GRIP1: variants seen among roughly 807,000 people sequenced by gnomAD.
GRIP1 encodes glutamate receptor-interacting protein 1.
A neutral mutation model predicts 129.9 loss-of-function variants in GRIP1; 45 were observed. That is an observed-to-expected ratio of 0.35 (90% CI 0.27 to 0.44). The LOEUF (loss-of-function observed/expected upper bound fraction) is 0.44. Among genes scored for constraint, GRIP1 ranks in the 20% least tolerant of loss-of-function variants. GRIP1 has a pLI of 1.00. For synonymous variants in GRIP1, 530 were observed against 520.8 expected, an observed-to-expected ratio of 1.02 and a Z score of -0.24; for missense variants, 1,196 against 1,396.8, an observed-to-expected ratio of 0.86 and a Z score of 2.29.
intron 23 of GRIP1, among the ~76,000 whole-genome samples, chr12:66,364,135 A>G (rs1167607411): frequency 6.6e-6 from 1 of 151,748 alleles, no homozygotes; most frequent in East Asian, 1.9e-4. Context: ...GCATGGTGGC[A>G]TGCATCTGTA....
At chr12:67,066,322 G>T (rs1051116277) in intron 1 of GRIP1, among the ~76,000 whole-genome samples, 1 of 152,010 alleles carries the variant, frequency 6.6e-6, no homozygotes, top group Non-Finnish European at 1.5e-5. Flanking sequence ...TTCTTTTTTA[G>T]GAATAAGGCT....
intron 2 of GRIP1, among the ~76,000 whole-genome samples, chr12:66,586,425 C>A (rs2063638814): frequency 6.6e-6 from 1 of 152,148 alleles, no homozygotes; most frequent in Non-Finnish European, 1.5e-5. Flanking sequence ...TCACTGCCAA[C>A]CTCTGAGGCT....
chr12:66,781,688 C>A (rs925429494), intron 1 of GRIP1, among the ~76,000 whole-genome samples: 1 of 152,070 alleles, frequency 6.6e-6, no homozygotes, highest in Non-Finnish European at 1.5e-5. Context: ...CAGAGTCTGT[C>A]CAAGGCAAAC....
At chr12:66,599,620 G>A (rs890100282) in intron 1 of GRIP1, among the ~76,000 whole-genome samples, 3 of 152,170 alleles carry the variant, frequency 2.0e-5, no homozygotes, top group African/African-American at 4.8e-5. Flanking sequence ...GAATGAATCC[G>A]TGGCTGATGG....
chr12:66,599,164 T>G (rs575010113), intron 1 of GRIP1, among the ~76,000 whole-genome samples: 60 of 152,148 alleles, frequency 3.9e-4, no homozygotes, highest in Non-Finnish European at 7.6e-4. Flanking sequence ...CCACTCCTGC[T>G]CCCAGTATCA....
At chr12:66,405,039 GAAAC>G (rs1166499683) in intron 16 of GRIP1, among the ~76,000 whole-genome samples, 2 of 152,014 alleles carry the variant, frequency 1.3e-5, no homozygotes, top group African/African-American at 2.4e-5. Context: ...CACAAAACAA[GAAAC>G]AAACAAACAA....
intron 1 of GRIP1, among the ~76,000 whole-genome samples, chr12:66,942,031 C>T (rs1394133530): frequency 6.6e-6 from 1 of 152,210 alleles, no homozygotes; most frequent in Non-Finnish European, 1.5e-5. Flanking sequence ...GTTATTATAT[C>T]TGCTAGCTTT....
chr12:66,630,646 G>C (rs1173508167), intron 1 of GRIP1, among the ~76,000 whole-genome samples: 1 of 152,206 alleles, frequency 6.6e-6, no homozygotes, highest in Non-Finnish European at 1.5e-5. Context: ...TTATGAGACT[G>C]TCTATGAGGG....
intron 4 of GRIP1, among the ~76,000 whole-genome samples, chr12:66,532,773 TCACCACCAC>T (rs368400767): frequency 6.6e-6 from 1 of 151,466 alleles, no homozygotes; most frequent in Admixed American, 6.6e-5. Flanking sequence ...CTCCTCCACT[TCACCACCAC>T]CACCACCACC....
At chr12:66,708,900 A>C (rs1483347135) in intron 1 of GRIP1, among the ~76,000 whole-genome samples, 1 of 151,792 alleles carries the variant, frequency 6.6e-6, no homozygotes, top group African/African-American at 2.4e-5. Context: ...TTGAAAAAAA[A>C]ATTTTTGTCA....
chr12:66,805,409 T>A (rs1482801997), upstream of GRIP1, among the ~76,000 whole-genome samples: 4 of 152,198 alleles, frequency 2.6e-5, no homozygotes, highest in Non-Finnish European at 5.9e-5. Flanking sequence ...AGCTTCTTTC[T>A]TCTTCAGGTC....
intron 1 of GRIP1, among the ~76,000 whole-genome samples, chr12:66,967,553 T>A (rs2042015262): frequency 1.3e-5 from 2 of 152,276 alleles, no homozygotes; most frequent in Non-Finnish European, 2.9e-5. Context: ...ATTCAAAAAA[T>A]TTTTCAAGTG....
At chr12:66,885,090 G>A (rs2040542880) in intron 1 of GRIP1, among the ~76,000 whole-genome samples, 1 of 152,150 alleles carries the variant, frequency 6.6e-6, no homozygotes, top group Non-Finnish European at 1.5e-5. Flanking sequence ...TCTCCAATTA[G>A]CCTGGTGGAT....
At chr12:66,461,522 G>A (rs893378417) in intron 9 of GRIP1, among the ~76,000 whole-genome samples, 1 of 152,202 alleles carries the variant, frequency 6.6e-6, no homozygotes, top group African/African-American at 2.4e-5. Flanking sequence ...ACAGCTGTTT[G>A]CATTGCTATT....
intron 14 of GRIP1, among the ~76,000 whole-genome samples, chr12:66,422,506 C>G (rs1390156932): frequency 6.6e-6 from 1 of 152,184 alleles, no homozygotes; most frequent in African/African-American, 2.4e-5. Flanking sequence ...TTTCTAGCAT[C>G]TGCCAATGAA....
chr12:66,765,476 T>A (rs2037607856), intron 1 of GRIP1, among the ~76,000 whole-genome samples: 1 of 152,196 alleles, frequency 6.6e-6, no homozygotes, highest in Admixed American at 6.5e-5. Flanking sequence ...ATGTCATAGT[T>A]TTTTTAAATT....
intron 1 of GRIP1, among the ~76,000 whole-genome samples, chr12:66,684,354 T>A (rs1328817193): frequency 6.6e-6 from 1 of 152,174 alleles, no homozygotes; most frequent in Non-Finnish European, 1.5e-5. Context: ...ATTTCCCTTC[T>A]TTGACTCCTG....
intron 1 of GRIP1, among the ~76,000 whole-genome samples, chr12:66,763,610 G>GA (rs1046890885): frequency 2.0e-5 from 3 of 152,008 alleles, no homozygotes; most frequent in African/African-American, 7.2e-5. Context: ...GACGATCACT[G>GA]AAAAAAACAT....
At chr12:66,962,453 G>T (rs531259098) in intron 1 of GRIP1, among the ~76,000 whole-genome samples, 1 of 152,120 alleles carries the variant, frequency 6.6e-6, no homozygotes, top group Non-Finnish European at 1.5e-5. Flanking sequence ...TTTGCAACGT[G>T]CCTGTCTTAT....
Sources: gnomAD v4.1 joint callset for allele counts (sites outside exome capture counted in the v4.1 genomes callset) on GRCh38, gnomAD v4.1.1 for gene constraint, MANE v1.5 for transcripts, NCBI Gene and HGNC (gene_info 2026-07-23, HGNC 2026-07-21) for gene names.